Variants in RCC1 observed in about 807,000 individuals in gnomAD.
The protein encoded by RCC1 is regulator of chromosome condensation.
RCC1 carries 11 observed loss-of-function variants against 44.4 expected under a neutral mutation model. The ratio of observed to expected loss-of-function variants is 0.25; its 90% confidence interval spans 0.16 to 0.41. RCC1 has a LOEUF of 0.41. Ranked by LOEUF, RCC1 falls within the 10% of genes least tolerant of loss-of-function variation. The pLI is 1.00. For missense variants in RCC1, 386 were observed against 547.1 expected (o/e 0.71, Z 2.94); for synonymous variants, 213 against 216.5 (o/e 0.98, Z 0.14).
chr1:28,536,939 G>A lies in RCC1; in HGVS notation c.1090+40G>A, dbSNP rs999573398. 2.5e-6 allele frequency: 4 copies of A among 1,610,446 alleles called. No individual in the cohort carries two copies. The highest frequency in any genetic ancestry group is 3.4e-6 in the Non-Finnish European group (4 of 1,177,516). The stretch of plus-strand genomic sequence containing the variant: ...CTACACTCTGTCTAGTTGGGACCTG[G>A]GGGTCATGGTTCTTACCCAATTCCC... On this transcript the variant is annotated intron_variant, in intron 12 of 12. Transcript: ENST00000683442. The surrounding 1 kb of genome is among the most constrained non-coding windows in gnomAD (Gnocchi z 4.9).
intron 7 of RCC1, among the ~76,000 whole-genome samples, chr1:28,534,656 T>G (rs1335126034): frequency 6.6e-6 from 1 of 152,110 alleles, no homozygotes; most frequent in African/African-American, 2.4e-5. Context: ...AATTTTTGTA[T>G]TTTTTGTAGG....
chr1:28,534,423 G>A (rs963226940), intron 7 of RCC1, among the ~76,000 whole-genome samples: 3 of 151,870 alleles, frequency 2.0e-5, no homozygotes, highest in Non-Finnish European at 2.9e-5. Flanking sequence ...CCTCGTGATC[G>A]CCCGCCTTGG....
chr1:28,506,728 A>C (rs1661970883), intron 1 of RCC1: 1 of 154,340 alleles, frequency 6.5e-6, no homozygotes, highest in South Asian at 1.9e-4. Context: ...CTGGATCCTC[A>C]TTTGCCTTTA....
intron 3 of RCC1, chr1:28,510,271 T>A (rs1662420145): frequency 6.6e-6 from 1 of 152,274 alleles, no homozygotes; most frequent in African/African-American, 2.4e-5. Context: ...AGCTAGTTAC[T>A]AGCTATGATT....
At chr1:28,528,009 CAAAAAAAAAA>C (rs56261878) in intron 4 of RCC1, among the ~76,000 whole-genome samples, 1 of 97,618 alleles carries the variant, frequency 1.0e-5, no homozygotes, top group Non-Finnish European at 2.2e-5. Flanking sequence ...AACTCTGCTT[CAAAAAAAAAA>C]AAAAAAAAAC....
chr1:28,527,320 GC>G, intron 4 of RCC1: 1 of 536,056 alleles, frequency 1.9e-6, no homozygotes, highest in Non-Finnish European at 3.4e-6. Flanking sequence ...GCTCAATTTA[GC>G]CTCAGCCTCC....
chr1:28,531,737 G>C, intron 5 of RCC1, 66 bp from the exon 6 acceptor site: 2 of 1,374,656 alleles, frequency 1.5e-6, no homozygotes, highest in South Asian at 1.7e-5. Flanking sequence ...TCTGATCCCA[G>C]AGCCTGTGAC....
At chr1:28,535,413 T>C (rs372397184) in intron 9 of RCC1, 33 bp downstream of exon 9, 3 of 1,611,578 alleles carry the variant, frequency 1.9e-6, no homozygotes, top group Non-Finnish European at 2.5e-6. Context: ...GCAGGGCAAA[T>C]TGGCAGGCCA....
intron 3 of RCC1, chr1:28,510,645 C>G (rs1200193638): frequency 6.6e-6 from 1 of 152,162 alleles, no homozygotes; most frequent in Non-Finnish European, 1.5e-5. Flanking sequence ...CTTACCTGTG[C>G]CAGGCACTGT....
In RCC1 at chr1:28,506,056, A is replaced by G. The variant is rs1351031114; in HGVS notation, c.-290A>G. On this transcript the variant is annotated 5_prime_UTR_variant, in exon 1 of 13. Transcript: ENST00000683442. Reference sequence around the variant, plus strand: ...CGTTTTCTCTCTCCTTTTTGGAGACAGATTCGCAGTGGTCGCTTCTTCTCC... The same window carrying G: ...CGTTTTCTCTCTCCTTTTTGGAGACGGATTCGCAGTGGTCGCTTCTTCTCC... 1 of 455,948 alleles carries G rather than the reference A, an allele frequency of 2.2e-6. No individual in the cohort carries two copies. Among genetic ancestry groups the G allele is most frequent in the African/African-American group, 2.0e-5 (1 of 50,058 alleles). 28.2% of individuals were successfully genotyped at this position (455,948 alleles called of 1,614,324 possible).
intron 4 of RCC1, among the ~76,000 whole-genome samples, chr1:28,527,395 A>G (rs1663740346): frequency 6.6e-6 from 1 of 152,064 alleles, no homozygotes; most frequent in Non-Finnish European, 1.5e-5. Context: ...GTGCACCACC[A>G]TGCCCGGCTA....
Position 28,531,596 on chromosome 1 carries a change from G to A in RCC1, c.74-207G>A, listed in dbSNP as rs538258200. 8.6e-5 allele frequency among the ~76,000 whole-genome samples: 13 copies of A among 151,944 alleles called. No individual in the cohort carries two copies. In the South Asian group the frequency reaches 2.7e-3, roughly 31 times the overall value. On this transcript the variant is annotated intron_variant, in intron 5 of 12. Coordinates refer to ENST00000683442, the MANE Select transcript of RCC1 (RefSeq NM_001381865.2). ...CTTTCTCCCCTTTCACGTGAATAAT[G>A]TGCTCAGTTCTTAATCTCCACAAAA... is the stretch of plus-strand genomic sequence containing the variant.
At chr1:28,531,270 T>TC (rs1664153948) in intron 5 of RCC1, among the ~76,000 whole-genome samples, 1 of 147,728 alleles carries the variant, frequency 6.8e-6, no homozygotes, top group Non-Finnish European at 1.5e-5. Flanking sequence ...TTTTTCTTTT[T>TC]TTTTTTTTTT....
At chr1:28,530,661 C>T (rs780805377) in intron 5 of RCC1, 9 of 1,491,998 alleles carry the variant, frequency 6.0e-6, no homozygotes, top group Middle Eastern at 2.1e-4. Flanking sequence ...GCGCGGGCTC[C>T]TCAGCGGTGG....
In RCC1 at chr1:28,522,093, A is replaced by C. The variant is rs563512362; in HGVS notation, c.-10+5226A>C. Reference sequence around the variant, plus strand: ...TGCCCCCAGGGGCTCATATTTTAGGAAGTTGATTGGTATGGTGGACAGGCA... The same window carrying C: ...TGCCCCCAGGGGCTCATATTTTAGGCAGTTGATTGGTATGGTGGACAGGCA... On this transcript the variant is annotated intron_variant, in intron 4 of 12. Coordinates refer to ENST00000683442, the MANE Select transcript of RCC1 (RefSeq NM_001381865.2). Among the ~76,000 whole-genome samples, 2 of 152,220 alleles carry C rather than the reference A, an allele frequency of 1.3e-5. 1 individual carries two copies. Among genetic ancestry groups the C allele is most frequent in the South Asian group, 4.2e-4 (2 of 4,818 alleles).
chr1:28,511,974 TCC>T (rs1346599747), intron 3 of RCC1, among the ~76,000 whole-genome samples: 1 of 119,366 alleles, frequency 8.4e-6, no homozygotes, highest in African/African-American at 4.1e-5. Flanking sequence ...TCAAGCCTGA[TCC>T]TTTTTTTTTT....
chr1:28,515,837 G>A (rs1025046301), intron 3 of RCC1, among the ~76,000 whole-genome samples: 7 of 151,430 alleles, frequency 4.6e-5, no homozygotes, highest in Non-Finnish European at 1.0e-4. Context: ...ACCTGAGGTC[G>A]GGAGTTCCAG....
intron 7 of RCC1, 146 bp from the exon 8 acceptor site, chr1:28,534,902 CCA>C: frequency 3.0e-6 from 2 of 673,564 alleles, no homozygotes; most frequent in South Asian, 3.4e-5. Context: ...AAGTCGCAGA[CCA>C]TAAATGATTT....
chr1:28,523,633 C>T (rs1570192084), intron 4 of RCC1, among the ~76,000 whole-genome samples: 1 of 152,178 alleles, frequency 6.6e-6, no homozygotes, highest in African/African-American at 2.4e-5. Flanking sequence ...CTCATGGCAG[C>T]CCAGCCATCA....
Sources: gnomAD v4.1 joint callset for allele counts (sites outside exome capture counted in the v4.1 genomes callset) on GRCh38, gnomAD v4.1.1 for gene constraint, Gnocchi (gnomAD v3.1) non-coding constraint, MANE v1.5 for transcripts, NCBI Gene and HGNC (gene_info 2026-07-23, HGNC 2026-07-21) for gene names.